Variants in ABLIM3 observed in about 807,000 individuals in gnomAD.
ABLIM3 encodes the protein actin binding LIM protein family member 3.
ABLIM3 carries 61 observed loss-of-function variants against 109.5 expected under a neutral mutation model. The ratio of observed to expected loss-of-function variants is 0.56; its 90% CI spans 0.45 to 0.69. The LOEUF (loss-of-function observed/expected upper bound fraction) is 0.69. ABLIM3 is among the 30% of genes least tolerant of loss of function. The pLI, the probability that ABLIM3 is intolerant of heterozygous loss-of-function variation, is 0.00. For synonymous variants in ABLIM3, 300 were observed against 324.8 expected (o/e 0.92, Z 0.82); for missense variants, 796 against 889.5 (o/e 0.89, Z 1.34).
At chr5:149,214,250 G>T (rs1759834430) in intron 7 of ABLIM3, among the ~76,000 whole-genome samples, 1 of 152,192 alleles carries the variant, frequency 6.6e-6, no homozygotes, top group South Asian at 2.1e-4. Flanking sequence ...CCAGGAGCTG[G>T]ATCCAGTGCT....
intron 7 of ABLIM3, among the ~76,000 whole-genome samples, chr5:149,213,259 C>G (rs900074395): frequency 2.5e-4 from 38 of 152,114 alleles, no homozygotes; most frequent in African/African-American, 8.9e-4. Context: ...GGAAAGAGAG[C>G]AAGGAAGGAG....
At chr5:149,226,079 T>C (rs746192540) in intron 8 of ABLIM3, among the ~76,000 whole-genome samples, 4 of 148,044 alleles carry the variant, frequency 2.7e-5, no homozygotes, top group Non-Finnish European at 6.0e-5. Flanking sequence ...TTGGTTTATG[T>C]GCATGGAGAT....
At position 149,232,730 on chromosome 5, in the gene ABLIM3, T is replaced by G. The variant is rs1458089457; in HGVS notation, c.817-499T>G. 4.6e-5 allele frequency among the ~76,000 whole-genome samples: 7 copies of G among 152,198 alleles called. No homozygotes were observed. In the East Asian group the frequency reaches 1.3e-3, roughly 29 times the overall value. ...CATGCTGCTCTGCTAAGGAAGCTAT[T>G]AATCCATCATTGCCATTGTTCAGAG... On this transcript the variant is annotated intron_variant, in intron 9 of 23. Transcript: ENST00000309868.
chr5:149,177,529 G>A (rs1245141148), intron 2 of ABLIM3, among the ~76,000 whole-genome samples: 1 of 152,132 alleles, frequency 6.6e-6, no homozygotes, highest in Non-Finnish European at 1.5e-5. Flanking sequence ...TATATCAAAA[G>A]CATGTCAGCC....
At chr5:149,255,724 G>T (rs1238695683) in intron 23 of ABLIM3, among the ~76,000 whole-genome samples, 1 of 152,206 alleles carries the variant, frequency 6.6e-6, no homozygotes, top group Non-Finnish European at 1.5e-5. Context: ...ATAGCAGAAG[G>T]TTAGTGTGTC....
rs547315548 is a variant in ABLIM3 at position 149,156,117 on chromosome 5, A to T, written c.13+14009A>T. Among the ~76,000 whole-genome samples the T allele has an allele frequency of 3.3e-5, 5 of 152,392 alleles. No homozygotes were observed. In the South Asian group the frequency reaches 1.0e-3, roughly 32 times the overall value. On this transcript the variant is annotated intron_variant, in intron 2 of 23. Transcript: ENST00000309868. Reference sequence around the variant, plus strand: ...AGCCAAGCTGTGCATTTCTGCAACTATGCCCATGGGTGGGCTTGCTGTATA... The same window carrying T: ...AGCCAAGCTGTGCATTTCTGCAACTTTGCCCATGGGTGGGCTTGCTGTATA...
chr5:149,177,765 A>G (rs921572414), intron 2 of ABLIM3, among the ~76,000 whole-genome samples: 9 of 152,244 alleles, frequency 5.9e-5, no homozygotes, highest in Non-Finnish European at 1.0e-4. Context: ...TGATTTAGAA[A>G]GAATCCCTGC....
At chr5:149,156,595 T>C (rs1753881322) in intron 2 of ABLIM3, among the ~76,000 whole-genome samples, 1 of 152,256 alleles carries the variant, frequency 6.6e-6, no homozygotes, top group African/African-American at 2.4e-5. Flanking sequence ...ACAGGACTTT[T>C]TAAGCTAACA....
intron 8 of ABLIM3, among the ~76,000 whole-genome samples, chr5:149,225,193 A>G (rs576642474): frequency 2.0e-5 from 3 of 152,116 alleles, no homozygotes; most frequent in Non-Finnish European, 4.4e-5. Flanking sequence ...TTTAAAGCGC[A>G]CAATTCGGTA....
intron 2 of ABLIM3, among the ~76,000 whole-genome samples, chr5:149,182,717 C>G (rs73276851): frequency 1.3e-5 from 2 of 152,196 alleles, no homozygotes; most frequent in Non-Finnish European, 2.9e-5. Flanking sequence ...GCTAGTAGAA[C>G]TCTTAAGCAT....
intron 3 of ABLIM3, among the ~76,000 whole-genome samples, chr5:149,184,448 GC>G (rs933686118): frequency 2.6e-5 from 4 of 152,190 alleles, no homozygotes; most frequent in African/African-American, 9.7e-5. Flanking sequence ...CCCTTTGACT[GC>G]TCTTCAGATA....
At position 149,239,184 on chromosome 5, in the gene ABLIM3, G is replaced by A. The variant is rs949551331; in HGVS notation, c.1045-64G>A. On this transcript the variant is annotated intron_variant, in intron 11 of 23. Coordinates refer to ENST00000309868, the MANE Select transcript of ABLIM3 (RefSeq NM_014945.5). ...GCCATCTAACCATGCTCTGTCCTTC[G>A]TCTCGTCCTCCTCTCATTCCTTCTG... The A allele has an allele frequency of 2.7e-5, 42 of 1,554,242 alleles. 1 individual carries two copies. Among genetic ancestry groups the A allele is most frequent in the African/African-American group, 1.8e-4 (13 of 73,548 alleles).
chr5:149,169,526 G>A lies in ABLIM3; in HGVS notation c.14-13926G>A, dbSNP rs570207762. On this transcript the variant is annotated intron_variant, in intron 2 of 23. Transcript: ENST00000309868. ...TAAATTAAATCATTAGCAAAGGAAC[G>A]AGATTACTGGGATCAATTTTCGCCA... Among the ~76,000 whole-genome samples, 14 of 152,262 alleles carry A rather than the reference G, an allele frequency of 9.2e-5. No individual in the cohort carries two copies. In the South Asian group the frequency reaches 1.0e-3, roughly 11 times the overall value.
At chr5:149,152,800 A>G (rs1369473668) in intron 2 of ABLIM3, among the ~76,000 whole-genome samples, 2 of 152,100 alleles carry the variant, frequency 1.3e-5, no homozygotes, top group Non-Finnish European at 2.9e-5. Flanking sequence ...CCACCCAGCT[A>G]AGGGATGACT....
At chr5:149,162,525 G>T (rs1055300480) in intron 2 of ABLIM3, among the ~76,000 whole-genome samples, 3 of 152,174 alleles carry the variant, frequency 2.0e-5, no homozygotes, top group Non-Finnish European at 4.4e-5. Context: ...TTCTCTTTGT[G>T]TCTGGAAGGG....
At chr5:149,256,774 AT>A (rs1450861641) in intron 23 of ABLIM3, among the ~76,000 whole-genome samples, 1 of 152,262 alleles carries the variant, frequency 6.6e-6, no homozygotes, top group Non-Finnish European at 1.5e-5. Flanking sequence ...AAACCTCACA[AT>A]TACAGGATCT....
chr5:149,252,647 A>T (rs1019889805), intron 22 of ABLIM3, 110 bp from the exon 23 acceptor site: 4 of 828,998 alleles, frequency 4.8e-6, no homozygotes, highest in Non-Finnish European at 6.0e-6. Flanking sequence ...CTCCAGACTT[A>T]ATTTCTGGCC....
intron 3 of ABLIM3, among the ~76,000 whole-genome samples, chr5:149,188,719 C>T (rs1309199683): frequency 6.6e-6 from 1 of 152,162 alleles, no homozygotes; most frequent in Non-Finnish European, 1.5e-5. Flanking sequence ...ACCTAATTAT[C>T]ACACAAAGGC....
At chr5:149,207,403 C>T (rs576727511) in intron 6 of ABLIM3, among the ~76,000 whole-genome samples, 4 of 152,276 alleles carry the variant, frequency 2.6e-5, no homozygotes, top group South Asian at 4.2e-4. Flanking sequence ...CCTTCCCCTC[C>T]GGCCGTCTCT....
Sources: allele counts gnomAD v4.1 joint callset (sites outside exome capture counted in the v4.1 genomes callset), GRCh38; gene constraint gnomAD v4.1.1; transcripts MANE v1.5; gene names NCBI Gene and HGNC (gene_info 2026-07-23, HGNC 2026-07-21).